ZNF14: variants seen among roughly 807,000 people sequenced by gnomAD.
The protein encoded by ZNF14 is zinc finger protein 14.
In ZNF14, 9 loss-of-function variants were observed where a neutral mutation model predicts 11.3. The observed-to-expected ratio is 0.80, with a 90% CI of 0.48 to 1.39. The LOEUF (loss-of-function observed/expected upper bound fraction) is 1.39, where lower values mean the gene tolerates loss of function less well. Ranked by LOEUF, ZNF14 falls within the 40% of genes most tolerant of loss-of-function variation. The probability of loss-of-function intolerance (pLI) is 0.00; values close to 1 mark genes in which losing one functional copy is unlikely to be tolerated. For missense variants in ZNF14, 711 were observed against 763.9 expected (o/e 0.93, Z 0.82); for synonymous variants, 239 against 245.7 (o/e 0.97, Z 0.25).
chr19:19,733,027 C>A lies in ZNF14; in HGVS notation c.-69G>T, dbSNP rs994739341. The A allele has an allele frequency of 3.6e-5, 58 of 1,593,606 alleles. 1 individual carries two copies. Among genetic ancestry groups the A allele is most frequent in the Middle Eastern group, 3.3e-4 (2 of 5,994 alleles). On this transcript the variant is annotated 5_prime_UTR_variant, in exon 1 of 4. Coordinates refer to ENST00000344099, the MANE Select transcript of ZNF14 (RefSeq NM_021030.3). ...TCAGTACCTGCAGGTCACGGCGCGA[C>A]AAAGGATGCGCTAGAGCCACCTTCG...
At chr19:19,715,006 G>A (rs1411997199) in intron 1 of ZNF14, among the ~76,000 whole-genome samples, 1 of 151,970 alleles carries the variant, frequency 6.6e-6, no homozygotes, top group Non-Finnish European at 1.5e-5. Flanking sequence ...CACTGTGCCT[G>A]GTCAATTACT....
In ZNF14 at chr19:19,712,780, C is replaced by T; in HGVS notation, c.501G>A (p.Lys167=). The part of the protein sequence containing the change: ...RKHERTHTGV[K]PYECKQCGKA... ...TCCCACACTGTTTACATTCATAGGG[C>T]TTCACTCCAGTGTGAGTTCTTTCAT... The change falls in exon 4 of 4, where the codon AAG becomes AAA. Residue 167 remains lysine (K), a synonymous_variant. Transcript: ENST00000344099. 1.2e-6 allele frequency: 2 copies of T among 1,613,286 alleles called. No individual in the cohort carries two copies. Among genetic ancestry groups the T allele is most frequent in the Non-Finnish European group, 8.5e-7 (1 of 1,179,790 alleles).
At chr19:19,728,923 G>A (rs1177464897) in intron 1 of ZNF14, among the ~76,000 whole-genome samples, 3 of 152,042 alleles carry the variant, frequency 2.0e-5, no homozygotes, top group Non-Finnish European at 2.9e-5. Flanking sequence ...TTCTTTGACA[G>A]AACTAAAAAA....
rs1214286976 is a variant in ZNF14 at position 19,724,208 on chromosome 19, T to G, written c.3+8748A>C. Among the ~76,000 whole-genome samples the G allele has an allele frequency of 6.8e-5, 9 of 132,750 alleles. 2 individuals are homozygous for G. Among genetic ancestry groups the G allele is most frequent in the African/African-American group, 2.5e-4 (9 of 36,170 alleles). 87.1% of individuals were successfully genotyped at this position (132,750 alleles called of 152,430 possible). ...ATTTTAGATCTTTCCTGCTTTCTCT[T>G]GTGGGCATTTCGTGCTATAAATTTC... On this transcript the variant is annotated intron_variant, in intron 1 of 3. Coordinates refer to ENST00000344099, the MANE Select transcript of ZNF14 (RefSeq NM_021030.3).
chr19:19,722,133 AGACAAAT>A (rs1253713476), intron 1 of ZNF14, among the ~76,000 whole-genome samples: 1 of 152,184 alleles, frequency 6.6e-6, no homozygotes, highest in East Asian at 1.9e-4. Flanking sequence ...ACACCACTGC[AGACAAAT>A]GACAAATTAC....
chr19:19,726,460 G>C lies in ZNF14; in HGVS notation c.3+6496C>G, dbSNP rs1300688703. 3.0e-5 allele frequency among the ~76,000 whole-genome samples: 4 copies of C among 133,664 alleles called. 1 individual carries two copies. The highest frequency in any genetic ancestry group is 6.7e-5 in the Non-Finnish European group (4 of 60,134). The allele number at this position is 133,664 out of a possible 152,430, so 87.7% of individuals were successfully genotyped here. ...CTTCCTCTTGAAGCTTCGTCTCAGAGGGGCACCCGGCTGTATGAGGTGTCA... is the reference window on the plus strand; with the variant it reads ...CTTCCTCTTGAAGCTTCGTCTCAGACGGGCACCCGGCTGTATGAGGTGTCA... On this transcript the variant is annotated intron_variant, in intron 1 of 3. Coordinates refer to ENST00000344099, the MANE Select transcript of ZNF14 (RefSeq NM_021030.3).
rs566962350 is a variant in ZNF14, at chr19:19,727,712, G to A, written c.3+5244C>T. Among the ~76,000 whole-genome samples the A allele has an allele frequency of 7.5e-5, 10 of 133,536 alleles. 1 individual carries two copies. Among genetic ancestry groups the A allele is most frequent in the Non-Finnish European group, 1.7e-4 (10 of 60,174 alleles). The allele number at this position is 133,536 out of a possible 152,430, so 87.6% of individuals were successfully genotyped here. A position where few individuals can be genotyped will look rare whatever the true frequency, so the allele number is the denominator to read the frequency against. ...ACCATTTGAAATGAATGCCTAAAGA[G>A]TTTCTACACACACATCCAATCAATG... On this transcript the variant is annotated intron_variant, in intron 1 of 3. Coordinates refer to ENST00000344099, the MANE Select transcript of ZNF14 (RefSeq NM_021030.3).
chr19:19,731,616 A>T (rs1039891099), intron 1 of ZNF14, among the ~76,000 whole-genome samples: 24 of 151,902 alleles, frequency 1.6e-4, no homozygotes, highest in African/African-American at 5.8e-4. Flanking sequence ...ACCCACAATG[A>T]CTCTAGACTT....
chr19:19,728,496 A>G (rs1436252746), intron 1 of ZNF14, among the ~76,000 whole-genome samples: 1 of 105,566 alleles, frequency 9.5e-6, no homozygotes, highest in Non-Finnish European at 2.1e-5. Context: ...AGACTGTGCG[A>G]AAGTGCGAAA....
chr19:19,726,001 G>A lies in ZNF14; in HGVS notation c.3+6955C>T, dbSNP rs761117343. 3.0e-5 allele frequency among the ~76,000 whole-genome samples: 4 copies of A among 133,586 alleles called. 1 individual carries two copies. Among genetic ancestry groups the A allele is most frequent in the Non-Finnish European group, 6.6e-5 (4 of 60,200 alleles). 87.6% of individuals were successfully genotyped at this position (133,586 alleles called of 152,430 possible). ...GTCTAATCTTTTTTCAAGGTTTTTAGCTTCTTTGCGATGGGTCTGAACATC... is the reference window on the plus strand; with the variant it reads ...GTCTAATCTTTTTTCAAGGTTTTTAACTTCTTTGCGATGGGTCTGAACATC... On this transcript the variant is annotated intron_variant, in intron 1 of 3. Transcript: ENST00000344099.
chr19:19,715,420 T>C (rs1249146857), intron 1 of ZNF14, among the ~76,000 whole-genome samples: 1 of 152,120 alleles, frequency 6.6e-6, no homozygotes, highest in African/African-American at 2.4e-5. Context: ...ATTTAATTAT[T>C]TAGGTGCACC....
intron 1 of ZNF14, among the ~76,000 whole-genome samples, chr19:19,719,443 A>T (rs939371915): frequency 5.9e-5 from 9 of 152,246 alleles, no homozygotes; most frequent in African/African-American, 2.2e-4. Flanking sequence ...GTTACAAAGG[A>T]CAGGAAAGGA....
chr19:19,718,702 A>T (rs1351489740), intron 1 of ZNF14, among the ~76,000 whole-genome samples: 2 of 152,188 alleles, frequency 1.3e-5, no homozygotes, highest in Non-Finnish European at 2.9e-5. Context: ...AGACAAAGAA[A>T]AACTTTGAAA....
Position 19,711,690 on chromosome 19 carries a change from A to T in ZNF14, c.1591T>A (p.Phe531Ile), listed in dbSNP as rs2062360696. The change falls in exon 4 of 4, where the codon TTT (phenylalanine) becomes ATT (isoleucine). Residue 531 changes from phenylalanine to isoleucine, a missense_variant. By Grantham distance (21) the Phe-to-Ile change is conservative. Transcript: ENST00000344099. ...HEKIHTGNKP[F>I]ECKQCGKAFL... ...GCCTTACCACATTGCTTACACTCAA[A>T]AGGCTTATTTCCAGTGTGAATTTTT... The T allele has an allele frequency of 1.2e-6, 2 of 1,614,086 alleles. No homozygotes were observed. Among genetic ancestry groups the T allele is most frequent in the African/African-American group, 2.7e-5 (2 of 75,006 alleles).
chr19:19,714,540 G>A, intron 1 of ZNF14, 53 bp from the exon 2 acceptor site: 1 of 1,566,594 alleles, frequency 6.4e-7, no homozygotes, highest in Non-Finnish European at 8.6e-7. Context: ...GCAGTACTGG[G>A]GATCTATACT....
At chr19:19,722,466 G>T (rs1260655627) in intron 1 of ZNF14, among the ~76,000 whole-genome samples, 1 of 152,162 alleles carries the variant, frequency 6.6e-6, no homozygotes, top group Non-Finnish European at 1.5e-5. Flanking sequence ...TGCTGTTTTG[G>T]TTGCTGTAGC....
Position 19,711,502 on chromosome 19 carries a change from C to T in ZNF14, c.1779G>A (p.Gly593=). The change falls in exon 4 of 4, where the codon GGG becomes GGA. Residue 593 remains glycine (G), a synonymous_variant. Transcript: ENST00000344099. The part of the protein sequence containing the change: ...GEKPYRCKQC[G]KAFRFSSSVR... ...CAGAACTTGAAAATCTGAAGGCTTT[C>T]CCACATTGTTTACATCGATAGGGTT... The T allele has an allele frequency of 3.7e-6, 6 of 1,612,878 alleles. No homozygotes were observed. Among genetic ancestry groups the T allele is most frequent in the Non-Finnish European group, 4.2e-6 (5 of 1,179,672 alleles).
At position 19,727,211 on chromosome 19, in the gene ZNF14, G is replaced by C. The variant is rs777442173; in HGVS notation, c.3+5745C>G. Among the ~76,000 whole-genome samples the C allele has an allele frequency of 1.4e-4, 19 of 134,208 alleles. 4 individuals are homozygous for C. Among genetic ancestry groups the C allele is most frequent in the Non-Finnish European group, 2.8e-4 (17 of 60,352 alleles). The allele number at this position is 134,208 out of a possible 152,430, so 88.0% of individuals were successfully genotyped here. Reference sequence around the variant, plus strand: ...TTGGCCATCTTGGAGCCTCAAGGCCGAGTACTGTTATATCTTAGTTGTTAC... The same window carrying C: ...TTGGCCATCTTGGAGCCTCAAGGCCCAGTACTGTTATATCTTAGTTGTTAC... On this transcript the variant is annotated intron_variant, in intron 1 of 3. Coordinates refer to ENST00000344099, the MANE Select transcript of ZNF14 (RefSeq NM_021030.3).
intron 2 of ZNF14, 84 bp from the exon 3 acceptor site, chr19:19,714,235 ACTGT>A: frequency 6.3e-7 from 1 of 1,588,236 alleles, no homozygotes; most frequent in Admixed American, 1.7e-5. Context: ...ATTAGCTGTG[ACTGT>A]CTGATTCAAT....
Sources: allele counts gnomAD v4.1 joint callset (sites outside exome capture counted in the v4.1 genomes callset), GRCh38; gene constraint gnomAD v4.1.1; transcripts MANE v1.5; gene names NCBI Gene and HGNC (gene_info 2026-07-23, HGNC 2026-07-21).